Variants in UGT1A6 observed in about 807,000 individuals in gnomAD.
UGT1A6 encodes the protein UDP glucuronosyltransferase family 1 member A6, also known as UDP-glucuronosyltransferase 1A6.
Under a neutral mutation model 44.4 loss-of-function variants are expected in UGT1A6, and 32 were observed. That is an observed-to-expected ratio of 0.72 (90% CI 0.54 to 0.97). The LOEUF is 0.97. Ranked by LOEUF, UGT1A6 falls within the 50% of genes least tolerant of loss-of-function variation. The pLI is 0.00. For synonymous variants in UGT1A6, 238 were observed against 248.5 expected, an observed-to-expected ratio of 0.96 and a Z score of 0.40; for missense variants, 685 against 661.9, an observed-to-expected ratio of 1.03 and a Z score of -0.38.
At chr2:233,749,022 T>C (rs1694084845) in intron 1 of UGT1A6, among the ~76,000 whole-genome samples, 1 of 151,722 alleles carries the variant, frequency 6.6e-6, no homozygotes, top group African/African-American at 2.4e-5. Flanking sequence ...ATCCAGAATA[T>C]TTGGGGTTCA....
At chr2:233,748,116 G>A in intron 1 of UGT1A6, 1 of 1,611,622 alleles carries the variant, frequency 6.2e-7, no homozygotes, top group Admixed American at 1.7e-5. Flanking sequence ...AATGTTCCAG[G>A]CAAAACAGTT....
rs762488947 is a variant in UGT1A6, at chr2:233,772,318, C to T, written c.1358C>T (p.Pro453Leu). 5 of 1,614,112 alleles carry T rather than the reference C, an allele frequency of 3.1e-6. No homozygotes were observed. Among genetic ancestry groups the T allele is most frequent in the African/African-American group, 1.3e-5 (1 of 74,934 alleles). The change falls in exon 5 of 5, where the codon CCG (proline) becomes CTG (leucine). Residue 453 changes from proline to leucine, a missense_variant. Physicochemically the swap from Pro to Leu is moderately conservative, Grantham distance 98. Transcript: ENST00000305139. ...SSLHKDRPVE[P>L]LDLAVFWVEF... is the part of the protein sequence containing the mutation. ...CTTCACAAGGACCGCCCGGTGGAGC[C>T]GCTGGACCTGGCCGTGTTCTGGGTG...
At chr2:233,739,444 G>A (rs1292544084) in intron 1 of UGT1A6, among the ~76,000 whole-genome samples, 1 of 152,214 alleles carries the variant, frequency 6.6e-6, no homozygotes, top group African/African-American at 2.4e-5. Context: ...ACCCTGCAAA[G>A]CCACAGGGTT....
intron 1 of UGT1A6, among the ~76,000 whole-genome samples, chr2:233,700,874 C>T (rs1245248063): frequency 1.3e-5 from 2 of 151,768 alleles, no homozygotes; most frequent in African/African-American, 4.8e-5. Flanking sequence ...CCTCCCTCCT[C>T]CCCCCACCCC....
Position 233,769,822 on chromosome 2 carries a change from T to A in UGT1A6, c.1301+1383T>A. The A allele has an allele frequency of 2.6e-6, 2 of 764,522 alleles. No homozygotes were observed. The highest frequency in any genetic ancestry group is 1.9e-6 in the Non-Finnish European group (1 of 538,240). The allele number at this position is 764,522 out of a possible 1,614,324, so 47.4% of individuals were successfully genotyped here. On this transcript the variant is annotated intron_variant, in intron 4 of 4. Coordinates refer to ENST00000305139, the MANE Select transcript of UGT1A6 (RefSeq NM_001072.4). The surrounding 1 kb of genome is among the most constrained non-coding windows in gnomAD (Gnocchi z 4.4). ...ATGAGCCGTGATCATGCCACTGCAC[T>A]CCAGCAACCTGGGCAACAGAGTGAG... is the stretch of plus-strand genomic sequence containing the variant.
chr2:233,746,409 A>G (rs1367378593), intron 1 of UGT1A6, among the ~76,000 whole-genome samples: 2 of 151,722 alleles, frequency 1.3e-5, no homozygotes, highest in Non-Finnish European at 2.9e-5. Flanking sequence ...AGTGTGTCCA[A>G]TGGTGACCTA....
At chr2:233,737,647 C>T (rs1413488043) in intron 1 of UGT1A6, among the ~76,000 whole-genome samples, 1 of 152,204 alleles carries the variant, frequency 6.6e-6, no homozygotes, top group African/African-American at 2.4e-5. Flanking sequence ...GTCGATCATG[C>T]TGGGAGCTGC....
chr2:233,726,371 C>A (rs1294856696), intron 1 of UGT1A6, among the ~76,000 whole-genome samples: 2 of 152,074 alleles, frequency 1.3e-5, no homozygotes, highest in African/African-American at 4.8e-5. Flanking sequence ...ACAACAAAAA[C>A]CAAAATTGCT....
At chr2:233,720,268 C>T (rs1303323026) in intron 1 of UGT1A6, among the ~76,000 whole-genome samples, 2 of 152,036 alleles carry the variant, frequency 1.3e-5, no homozygotes, top group East Asian at 3.9e-4. Context: ...GGGATCTGTC[C>T]TGAGAAAAGT....
Position 233,772,855 on chromosome 2 carries a change from A to T in UGT1A6, c.*296A>T, listed in dbSNP as rs1237319377. On this transcript the variant is annotated 3_prime_UTR_variant, in exon 5 of 5. Transcript: ENST00000305139. ...TTCTAGATTACTTTTCTTACTCTGA[A>T]ACATGGCCTGTTTGGGAGTGCGGGA... 3 of 732,688 alleles carry T rather than the reference A, an allele frequency of 4.1e-6. No homozygotes were observed. Among genetic ancestry groups the T allele is most frequent in the Non-Finnish European group, 5.9e-6 (3 of 506,184 alleles). 45.4% of individuals were successfully genotyped at this position (732,688 alleles called of 1,614,324 possible). A position where few individuals can be genotyped will look rare whatever the true frequency, so the allele number is the denominator to read the frequency against.
At chr2:233,745,413 T>G (rs902285196) in intron 1 of UGT1A6, among the ~76,000 whole-genome samples, 5 of 151,802 alleles carry the variant, frequency 3.3e-5, no homozygotes, top group East Asian at 3.8e-4. Flanking sequence ...TGGATTCTTT[T>G]CTTTGATAAA....
intron 1 of UGT1A6, chr2:233,713,940 A>G (rs2076357605): frequency 6.2e-7 from 1 of 1,610,192 alleles, no homozygotes; most frequent in African/African-American, 1.3e-5. Context: ...GTGCTTCCAT[A>G]TCTACTTATC....
At position 233,752,043 on chromosome 2, in the gene UGT1A6, T is replaced by C. The variant is rs1333661781; in HGVS notation, c.862-14991T>C. Among the ~76,000 whole-genome samples the C allele has an allele frequency of 2.0e-5, 3 of 152,216 alleles. No homozygotes were observed. The South Asian group carries it at 6.2e-4, about 32-fold the overall frequency. ...AGAAATTCCTAGAAAGGTAAGCTGT[T>C]GTGTGAATGATTTCCCGAGATGGGG... On this transcript the variant is annotated intron_variant, in intron 1 of 4. Coordinates refer to ENST00000305139, the MANE Select transcript of UGT1A6 (RefSeq NM_001072.4).
At chr2:233,770,756 T>C (rs1700148288) in intron 4 of UGT1A6, 1 of 152,202 alleles carries the variant, frequency 6.6e-6, no homozygotes, top group Non-Finnish European at 1.5e-5. Context: ...AGTACTAATA[T>C]TACATTATAA....
chr2:233,754,773 G>A (rs1178551708), intron 1 of UGT1A6: 7 of 1,057,998 alleles, frequency 6.6e-6, no homozygotes, highest in Non-Finnish European at 9.2e-6. Context: ...ACTTCCCAGG[G>A]AGCCAAAGGA....
At chr2:233,740,222 C>T (rs1446035659) in intron 1 of UGT1A6, among the ~76,000 whole-genome samples, 1 of 151,764 alleles carries the variant, frequency 6.6e-6, no homozygotes, top group Non-Finnish European at 1.5e-5. Context: ...TCAGCTGCGT[C>T]TTTATAGCAG....
intron 1 of UGT1A6, among the ~76,000 whole-genome samples, chr2:233,725,186 A>G (rs1269507172): frequency 2.2e-4 from 19 of 86,472 alleles, no homozygotes; most frequent in Admixed American, 2.0e-4. Context: ...GGGGAGAGGC[A>G]GAGGCAGAGG....
chr2:233,698,322 C>G (rs913677756), intron 1 of UGT1A6, among the ~76,000 whole-genome samples: 4 of 152,104 alleles, frequency 2.6e-5, no homozygotes, highest in African/African-American at 9.7e-5. Flanking sequence ...ATGTCTGGAA[C>G]CAGATAGAGG....
At chr2:233,707,542 T>A (rs2075970196) in intron 1 of UGT1A6, among the ~76,000 whole-genome samples, 1 of 151,954 alleles carries the variant, frequency 6.6e-6, no homozygotes, top group Admixed American at 6.6e-5. Flanking sequence ...TCTTGCCTTT[T>A]TTTTTTTTTT....
Sources: gnomAD v4.1 joint callset for allele counts (sites outside exome capture counted in the v4.1 genomes callset) on GRCh38, gnomAD v4.1.1 for gene constraint, Gnocchi (gnomAD v3.1) non-coding constraint, MANE v1.5 for transcripts, NCBI Gene and HGNC (gene_info 2026-07-23, HGNC 2026-07-21) for gene names.